The following MYRIP variants were observed in gnomAD, a reference collection of about 807,000 sequenced individuals.
MYRIP encodes the protein myosin VIIA and Rab interacting protein.
Under a neutral mutation model 98.0 loss-of-function variants are expected in MYRIP, and 49 were observed. The ratio of observed to expected loss-of-function variants is 0.50; its 90% CI spans 0.40 to 0.63. The LOEUF (loss-of-function observed/expected upper bound fraction) is 0.63, where lower values mean the gene tolerates loss of function less well. MYRIP is among the 30% of genes least tolerant of loss of function. MYRIP has a pLI of 0.00. For missense variants in MYRIP, 1,004 were observed against 1,058.2 expected (o/e 0.95, Z 0.71); for synonymous variants, 404 against 409.5 (o/e 0.99, Z 0.16).
At chr3:40,122,072 A>G (rs554363537) in intron 3 of MYRIP, among the ~76,000 whole-genome samples, 35 of 152,242 alleles carry the variant, frequency 2.3e-4, no homozygotes, top group African/African-American at 7.2e-4. Flanking sequence ...CCTGGCCTAA[A>G]ATGGAACCAA....
intron 3 of MYRIP, among the ~76,000 whole-genome samples, chr3:40,058,821 A>T (rs1389898639): frequency 6.6e-6 from 1 of 152,108 alleles, no homozygotes; most frequent in Non-Finnish European, 1.5e-5. Flanking sequence ...TCTGGGATAC[A>T]TGTGCAGAAC....
chr3:40,121,944 T>C (rs2125911620), intron 3 of MYRIP, among the ~76,000 whole-genome samples: 1 of 152,280 alleles, frequency 6.6e-6, no homozygotes, highest in Non-Finnish European at 1.5e-5. Context: ...TTTTCTAGAA[T>C]ATTAAAATGT....
At position 40,176,922 on chromosome 3, in the gene MYRIP, AAAAG is replaced by A. The variant is rs1297474398; in HGVS notation, c.874-5294_874-5291del. Among the ~76,000 whole-genome samples the A allele has an allele frequency of 6.2e-3, 661 of 106,418 alleles. 13 individuals are homozygous for A. Among genetic ancestry groups the A allele is most frequent in the Admixed American group, 0.062 (545 of 8,852 alleles). The allele number at this position is 106,418 out of a possible 152,430, so 69.8% of individuals were successfully genotyped here. A position where few individuals can be genotyped will look rare whatever the true frequency, so the allele number is the denominator to read the frequency against. ...AAACTCCATCTCAAAAAAAAAAAAAAAAAGAAAAGAAAAGAAAATTAGCTGGGCA... is the reference window on the plus strand; with the variant it reads ...AAACTCCATCTCAAAAAAAAAAAAAAAAAAGAAAAGAAAATTAGCTGGGCA... On this transcript the variant is annotated intron_variant, in intron 8 of 16. Coordinates refer to ENST00000302541, the MANE Select transcript of MYRIP (RefSeq NM_015460.4).
intron 2 of MYRIP, among the ~76,000 whole-genome samples, chr3:39,955,293 C>T (rs1945127527): frequency 6.6e-6 from 1 of 152,132 alleles, no homozygotes; most frequent in African/African-American, 2.4e-5. Context: ...TCAGGTTACC[C>T]ACAAAGGGAA....
chr3:39,912,972 G>A lies in MYRIP; in HGVS notation c.110+12046G>A, dbSNP rs866492448. ...GGAGAATCACTTGAACCCAGGAGGC[G>A]GAGGTTGCAGTAAGCTGAGATTGCA... is the stretch of plus-strand genomic sequence containing the variant. On this transcript the variant is annotated intron_variant, in intron 2 of 16. Coordinates refer to ENST00000302541, the MANE Select transcript of MYRIP (RefSeq NM_015460.4). Among the ~76,000 whole-genome samples, 11 of 152,238 alleles carry A rather than the reference G, an allele frequency of 7.2e-5. No individual in the cohort carries two copies. In the East Asian group the frequency reaches 9.7e-4, roughly 13 times the overall value.
chr3:40,046,278 A>C (rs1947666462), intron 3 of MYRIP, among the ~76,000 whole-genome samples: 1 of 152,062 alleles, frequency 6.6e-6, no homozygotes, highest in African/African-American at 2.4e-5. Flanking sequence ...AAGTTGGGCA[A>C]GTCCCATGTA....
intron 10 of MYRIP, among the ~76,000 whole-genome samples, chr3:40,198,521 C>T (rs1344752207): frequency 6.6e-6 from 1 of 152,148 alleles, no homozygotes; most frequent in Non-Finnish European, 1.5e-5. Flanking sequence ...CTTCGATTGC[C>T]TTTTAGTGTT....
At position 40,039,783 on chromosome 3, in the gene MYRIP, T is replaced by C. The variant is rs575224867; in HGVS notation, c.111-4267T>C. Among the ~76,000 whole-genome samples the C allele has an allele frequency of 3.9e-5, 6 of 152,110 alleles. 1 individual carries two copies. The South Asian group carries it at 1.2e-3, about 32-fold the overall frequency. ...TTCCTGAGGCTGCTGTAACAAATTA[T>C]CACAAATAGGTGGCTTAAAACAATA... On this transcript the variant is annotated intron_variant, in intron 2 of 16. Coordinates refer to ENST00000302541, the MANE Select transcript of MYRIP (RefSeq NM_015460.4).
At chr3:40,197,239 G>A (rs114465505) in intron 10 of MYRIP, among the ~76,000 whole-genome samples, 4,645 of 152,170 alleles carry the variant, frequency 0.031, 88 homozygotes, top group African/African-American at 0.057. Flanking sequence ...TAGGGTTCGC[G>A]CTACTCTGAG....
At chr3:39,970,718 T>A (rs1404830181) in intron 2 of MYRIP, among the ~76,000 whole-genome samples, 1 of 152,148 alleles carries the variant, frequency 6.6e-6, no homozygotes, top group Non-Finnish European at 1.5e-5. Flanking sequence ...GACTTCATAA[T>A]TACTACAATG....
intron 2 of MYRIP, among the ~76,000 whole-genome samples, chr3:40,035,263 A>G (rs997670494): frequency 6.6e-6 from 1 of 151,914 alleles, no homozygotes; most frequent in South Asian, 2.1e-4. Context: ...AAAGAAATCA[A>G]AACCGCAAAA....
intron 4 of MYRIP, among the ~76,000 whole-genome samples, chr3:40,152,102 T>G (rs1467963989): frequency 6.6e-6 from 1 of 152,222 alleles, no homozygotes; most frequent in Non-Finnish European, 1.5e-5. Flanking sequence ...TTCAAACTGC[T>G]CAGGAAAGCT....
intron 11 of MYRIP, among the ~76,000 whole-genome samples, chr3:40,224,374 A>G (rs1220478621): frequency 6.6e-6 from 1 of 151,446 alleles, no homozygotes; most frequent in Non-Finnish European, 1.5e-5. Flanking sequence ...TCCAATCAAT[A>G]TTAGGAACTA....
At chr3:40,162,602 C>A in intron 4 of MYRIP, 128 bp from the exon 5 acceptor site, 1 of 741,776 alleles carries the variant, frequency 1.3e-6, no homozygotes, top group South Asian at 1.8e-5. Flanking sequence ...AGTCCCTAAA[C>A]CTATTTGCAA....
chr3:39,929,885 C>A (rs1265179615), intron 2 of MYRIP, among the ~76,000 whole-genome samples: 2 of 151,922 alleles, frequency 1.3e-5, no homozygotes, highest in Non-Finnish European at 2.9e-5. Flanking sequence ...GAGGTTCATC[C>A]ATGTTAAGCG....
In MYRIP at chr3:40,241,697, C is replaced by A. The variant is rs1953020332; in HGVS notation, c.2101-2749C>A. Among the ~76,000 whole-genome samples, 4 of 152,250 alleles carry A rather than the reference C, an allele frequency of 2.6e-5. No individual in the cohort carries two copies. The South Asian group carries it at 8.3e-4, about 32-fold the overall frequency. ...ATGCCTTGAACCACTCTGAGAAAGC[C>A]TTGTTGAACCAAGAGCCAGTGAATG... On this transcript the variant is annotated intron_variant, in intron 12 of 16. Coordinates refer to ENST00000302541, the MANE Select transcript of MYRIP (RefSeq NM_015460.4).
intron 2 of MYRIP, among the ~76,000 whole-genome samples, chr3:39,923,206 C>T (rs553969887): frequency 1.8e-4 from 27 of 151,866 alleles, no homozygotes; most frequent in Middle Eastern, 3.4e-3. Flanking sequence ...AGCTATGGGA[C>T]TATAATACAG....
At chr3:40,027,725 A>T (rs1016209350) in intron 2 of MYRIP, among the ~76,000 whole-genome samples, 17 of 151,944 alleles carry the variant, frequency 1.1e-4, no homozygotes, top group South Asian at 6.2e-4. Context: ...GTCTTTTTTT[A>T]AAAAAAATCC....
intron 2 of MYRIP, among the ~76,000 whole-genome samples, chr3:40,034,736 G>A (rs1460676152): frequency 1.3e-5 from 2 of 151,720 alleles, no homozygotes; most frequent in Non-Finnish European, 2.9e-5. Context: ...TATACCCAGA[G>A]GATTATAAAT....
Sources: allele counts gnomAD v4.1 joint callset (sites outside exome capture counted in the v4.1 genomes callset), GRCh38; gene constraint gnomAD v4.1.1; transcripts MANE v1.5; gene names NCBI Gene and HGNC (gene_info 2026-07-23, HGNC 2026-07-21).